PLD5: variants seen among roughly 807,000 people sequenced by gnomAD.
PLD5 encodes phospholipase D family member 5.
A neutral mutation model predicts 61.1 loss-of-function variants in PLD5; 36 were observed. That is an observed-to-expected ratio of 0.59 (90% CI 0.45 to 0.78). The LOEUF is 0.78. Among genes scored for constraint, PLD5 ranks in the 30% least tolerant of loss-of-function variants. The pLI is 0.00. For missense variants in PLD5, 515 were observed against 644.4 expected (o/e 0.80, Z 2.17); for synonymous variants, 243 against 242.8 (o/e 1.00, Z -0.01).
chr1:242,523,949 GA>G (rs1669359731), intron 1 of PLD5, 138 bp downstream of exon 1: 1 of 946,048 alleles, frequency 1.1e-6, no homozygotes, highest in African/African-American at 1.7e-5. Context: ...AGAAGCCCCC[GA>G]ATCCGACCTA....
intron 5 of PLD5, among the ~76,000 whole-genome samples, chr1:242,181,496 C>T (rs1667511798): frequency 6.6e-6 from 1 of 151,978 alleles, no homozygotes; most frequent in South Asian, 2.1e-4. Flanking sequence ...ATGCAGAAGA[C>T]TTAGCATAAC....
At chr1:242,093,752 C>T (rs943573747) in intron 9 of PLD5, among the ~76,000 whole-genome samples, 7 of 151,764 alleles carry the variant, frequency 4.6e-5, no homozygotes, top group African/African-American at 1.5e-4. Context: ...AATTCTGCTA[C>T]GTGCATGTGC....
chr1:242,425,900 C>T lies in PLD5; in HGVS notation c.190-77658G>A, dbSNP rs574687808. On this transcript the variant is annotated intron_variant, in intron 1 of 9. Coordinates refer to ENST00000536534, the MANE Select transcript of PLD5 (RefSeq NM_001372062.1). ...CCTTGTGATCGGCCCACATTGGCCT[C>T]CCAAAGTGCTGGGATTACAGGCATG... Among the ~76,000 whole-genome samples the T allele has an allele frequency of 3.2e-3, 487 of 152,126 alleles. 2 individuals are homozygous for T. Among genetic ancestry groups the T allele is most frequent in the African/African-American group, 0.011 (465 of 41,518 alleles).
chr1:242,295,820 T>C (rs908361737), intron 2 of PLD5, among the ~76,000 whole-genome samples: 1 of 152,222 alleles, frequency 6.6e-6, no homozygotes, highest in African/African-American at 2.4e-5. Flanking sequence ...TTTGACTTTT[T>C]AATAATAGCC....
At chr1:242,105,983 A>G (rs116081007) in intron 8 of PLD5, among the ~76,000 whole-genome samples, 1,622 of 152,298 alleles carry the variant, frequency 0.011, 29 homozygotes, top group African/African-American at 0.038. Context: ...GAAACCAACC[A>G]GCTCATGCTA....
chr1:242,366,839 T>C (rs1386985470), intron 1 of PLD5, among the ~76,000 whole-genome samples: 1 of 151,842 alleles, frequency 6.6e-6, no homozygotes, highest in Non-Finnish European at 1.5e-5. Flanking sequence ...GTGAATAAAT[T>C]AAAAAAAAGC....
intron 9 of PLD5, among the ~76,000 whole-genome samples, chr1:242,095,869 T>A (rs1660179961): frequency 6.6e-6 from 1 of 152,184 alleles, no homozygotes; most frequent in Non-Finnish European, 1.5e-5. Context: ...CATATTACTC[T>A]CCATAAGTTG....
intron 5 of PLD5, among the ~76,000 whole-genome samples, chr1:242,162,647 G>C (rs115666772): frequency 2.0e-5 from 3 of 152,166 alleles, no homozygotes; most frequent in African/African-American, 7.2e-5. Flanking sequence ...GTGTGGTTGA[G>C]TATTTCTAAC....
At chr1:242,253,304 AC>A (rs1391298627) in intron 4 of PLD5, among the ~76,000 whole-genome samples, 13 of 78,002 alleles carry the variant, frequency 1.7e-4, no homozygotes, top group African/African-American at 5.6e-4. Context: ...GCCTCTCTTC[AC>A]TTTTTTTTTT....
rs1393432966 is a variant in PLD5 at position 242,348,159 on chromosome 1, G to A, written c.273C>T (p.Ile91=). ...LVALIFSAVD[I]MGEDEDGLSE... Reference sequence around the variant, plus strand: ...AGAGTCCATCCTCATCCTCTCCCATGATGTCCACGGCTGAAAAGATCAGTG... The same window carrying A: ...AGAGTCCATCCTCATCCTCTCCCATAATGTCCACGGCTGAAAAGATCAGTG... The change falls in exon 2 of 10, where the codon ATC becomes ATT. Residue 91 remains isoleucine (I), a synonymous_variant. Transcript: ENST00000536534. 1 of 1,613,634 alleles carries A rather than the reference G, an allele frequency of 6.2e-7. No individual in the cohort carries two copies. Among genetic ancestry groups the A allele is most frequent in the African/African-American group, 1.3e-5 (1 of 74,862 alleles).
At chr1:242,518,262 C>T (rs994171251) in intron 1 of PLD5, among the ~76,000 whole-genome samples, 1 of 152,134 alleles carries the variant, frequency 6.6e-6, no homozygotes, top group Non-Finnish European at 1.5e-5. Context: ...TTTAAACATG[C>T]TTTTTTGGTT....
At chr1:242,232,241 T>C (rs1671354915) in intron 4 of PLD5, among the ~76,000 whole-genome samples, 1 of 152,078 alleles carries the variant, frequency 6.6e-6, no homozygotes, top group Non-Finnish European at 1.5e-5. Flanking sequence ...AATGAACAAA[T>C]AAAAATAACA....
At chr1:242,302,998 G>A (rs1676150213) in intron 2 of PLD5, among the ~76,000 whole-genome samples, 1 of 152,088 alleles carries the variant, frequency 6.6e-6, no homozygotes, top group African/African-American at 2.4e-5. Context: ...TATTTTGATG[G>A]AGTAGGGGAC....
At chr1:242,443,882 A>C (rs183428543) in intron 1 of PLD5, among the ~76,000 whole-genome samples, 367 of 152,240 alleles carry the variant, frequency 2.4e-3, no homozygotes, top group African/African-American at 7.8e-3. Context: ...CATTTATTGC[A>C]TTGATTTTAC....
intron 1 of PLD5, among the ~76,000 whole-genome samples, chr1:242,375,103 A>G (rs1160711174): frequency 6.6e-6 from 1 of 152,118 alleles, no homozygotes; most frequent in African/African-American, 2.4e-5. Context: ...TCTTTGGTCA[A>G]TATCCCCGAG....
At chr1:242,505,586 C>T (rs553169019) in intron 1 of PLD5, among the ~76,000 whole-genome samples, 15 of 152,340 alleles carry the variant, frequency 9.8e-5, no homozygotes, top group African/African-American at 3.4e-4. Context: ...CCACAGACAT[C>T]ATGGCAAGGT....
At chr1:242,331,805 T>C (rs1420480712) in intron 2 of PLD5, among the ~76,000 whole-genome samples, 1 of 152,198 alleles carries the variant, frequency 6.6e-6, no homozygotes, top group Non-Finnish European at 1.5e-5. Flanking sequence ...CATTTGATGT[T>C]AATACTTCTA....
At chr1:242,146,756 T>G in intron 5 of PLD5, among the ~76,000 whole-genome samples, 1 of 152,198 alleles carries the variant, frequency 6.6e-6, no homozygotes. Context: ...CGATATTCAC[T>G]GAGGTTACTC....
chr1:242,121,642 A>G (rs2437675), intron 6 of PLD5, among the ~76,000 whole-genome samples: 130,693 of 152,170 alleles, frequency 0.86, 56,455 homozygotes, highest in African/African-American at 0.95. Context: ...ACATGCACAC[A>G]TATGTTTATT....
Sources: allele counts gnomAD v4.1 joint callset (sites outside exome capture counted in the v4.1 genomes callset), GRCh38; gene constraint gnomAD v4.1.1; transcripts MANE v1.5; gene names NCBI Gene and HGNC (gene_info 2026-07-23, HGNC 2026-07-21).